The following TRAPPC9 variants were observed in gnomAD, a reference collection of about 807,000 sequenced individuals.
The protein encoded by TRAPPC9 is trafficking protein particle complex subunit 9, also known as IKK2 binding protein.
In TRAPPC9, 83 loss-of-function variants were observed where a neutral mutation model predicts 124.0. That is an observed-to-expected ratio of 0.67 (90% CI 0.56 to 0.80). TRAPPC9 has a LOEUF of 0.80. Among genes scored for constraint, TRAPPC9 ranks in the 30% least tolerant of loss-of-function variants. The probability of loss-of-function intolerance (pLI) is 0.00; values close to 1 mark genes in which losing one functional copy is unlikely to be tolerated. For missense variants in TRAPPC9, 1,302 were observed against 1,508.3 expected (o/e 0.86, Z 2.27); for synonymous variants, 638 against 617.5 (o/e 1.03, Z -0.49).
intron 21 of TRAPPC9, among the ~76,000 whole-genome samples, chr8:139,767,512 G>A (rs894294755): frequency 6.6e-6 from 1 of 152,178 alleles, no homozygotes; most frequent in Non-Finnish European, 1.5e-5. Context: ...TGGGTGAGAC[G>A]GATCCAGGAG....
At chr8:140,115,851 A>G (rs2060874232) in intron 17 of TRAPPC9, among the ~76,000 whole-genome samples, 1 of 152,182 alleles carries the variant, frequency 6.6e-6, no homozygotes, top group African/African-American at 2.4e-5. Flanking sequence ...TCCAAGGGCC[A>G]GTAATAGTCA....
intron 21 of TRAPPC9, among the ~76,000 whole-genome samples, chr8:139,838,690 C>T (rs1483710347): frequency 1.3e-5 from 2 of 152,216 alleles, no homozygotes; most frequent in Non-Finnish European, 2.9e-5. Context: ...CCGAGGAGGC[C>T]TGCCAGCCTC....
intron 17 of TRAPPC9, among the ~76,000 whole-genome samples, chr8:140,142,816 T>C (rs963837549): frequency 2.0e-4 from 31 of 152,362 alleles, no homozygotes; most frequent in African/African-American, 7.0e-4. Context: ...TCTTCATTTG[T>C]AAAGAGGCAT....
At chr8:139,752,113 T>C (rs2130218156) in intron 21 of TRAPPC9, among the ~76,000 whole-genome samples, 1 of 147,208 alleles carries the variant, frequency 6.8e-6, no homozygotes, top group Non-Finnish European at 1.5e-5. Context: ...CTACCACCTG[T>C]TCATCTACCA....
intron 21 of TRAPPC9, among the ~76,000 whole-genome samples, chr8:139,867,889 C>A (rs1289737941): frequency 6.6e-6 from 1 of 152,172 alleles, no homozygotes; most frequent in African/African-American, 2.4e-5. Context: ...ATAAAGGACA[C>A]TACTGGGATA....
chr8:139,771,753 G>A (rs1162542286), intron 21 of TRAPPC9, among the ~76,000 whole-genome samples: 3 of 152,190 alleles, frequency 2.0e-5, no homozygotes, highest in East Asian at 1.9e-4. Context: ...TGCAGACAGC[G>A]CAGACCCCAG....
intron 9 of TRAPPC9, among the ~76,000 whole-genome samples, chr8:140,346,185 G>A (rs998148839): frequency 6.6e-6 from 1 of 152,214 alleles, no homozygotes; most frequent in African/African-American, 2.4e-5. Flanking sequence ...GAAACTGCCT[G>A]GAGTGCATCG....
At chr8:140,338,720 G>A in intron 9 of TRAPPC9, among the ~76,000 whole-genome samples, 2 of 151,128 alleles carry the variant, frequency 1.3e-5, no homozygotes, top group Non-Finnish European at 2.9e-5. Flanking sequence ...AGGCCGACGG[G>A]AAACGGCTCA....
chr8:139,960,617 G>A lies in TRAPPC9; in HGVS notation c.2810+28109C>T, dbSNP rs962760467. Among the ~76,000 whole-genome samples the A allele has an allele frequency of 8.9e-4, 114 of 128,038 alleles. 37 individuals are homozygous for A. The South Asian group carries it at 0.02, about 23-fold the overall frequency. The allele number at this position is 128,038 out of a possible 152,430, so 84.0% of individuals were successfully genotyped here. ...GACAGGTGACCCAGCTGTCAAGTCT[G>A]GACTCTGCCTCTCGCCAGCTGTAGG... On this transcript the variant is annotated intron_variant, in intron 19 of 22. Transcript: ENST00000438773.
chr8:139,891,044 G>A (rs1267670631), intron 20 of TRAPPC9, among the ~76,000 whole-genome samples: 2 of 151,986 alleles, frequency 1.3e-5, no homozygotes, highest in South Asian at 2.1e-4. Flanking sequence ...GGCAACCCAC[G>A]CTCAGCTTCC....
Position 139,896,721 on chromosome 8 carries a change from TC to T in TRAPPC9, c.2965-10753del, listed in dbSNP as rs1758110687. Among the ~76,000 whole-genome samples, 3 of 152,204 alleles carry T rather than the reference TC, an allele frequency of 2.0e-5. No homozygotes were observed. The South Asian group carries it at 6.2e-4, about 31-fold the overall frequency. On this transcript the variant is annotated intron_variant, in intron 20 of 22. Coordinates refer to ENST00000438773, the MANE Select transcript of TRAPPC9 (RefSeq NM_001160372.4). ...GTCCCACTGGACAAAGATCCTGCTGTCCACAGGGCCAGGTTGTGCCAAGGCC... is the reference window on the plus strand; with the variant it reads ...GTCCCACTGGACAAAGATCCTGCTGTCACAGGGCCAGGTTGTGCCAAGGCC...
chr8:140,081,099 C>A (rs1443848777), intron 17 of TRAPPC9, among the ~76,000 whole-genome samples: 1 of 152,090 alleles, frequency 6.6e-6, no homozygotes, highest in East Asian at 1.9e-4. Flanking sequence ...GAAGCAAGGC[C>A]AAGATTAACC....
intron 19 of TRAPPC9, among the ~76,000 whole-genome samples, chr8:139,969,831 C>T (rs1835947989): frequency 6.6e-6 from 1 of 152,214 alleles, no homozygotes; most frequent in African/African-American, 2.4e-5. Context: ...GTTAATGTAA[C>T]TTCACAAAGA....
chr8:140,221,640 T>G, intron 16 of TRAPPC9, 57 bp from the exon 17 acceptor site: 1 of 1,557,274 alleles, frequency 6.4e-7, no homozygotes. Flanking sequence ...TGGGGTTTGT[T>G]GTTGTTGTTG....
intron 21 of TRAPPC9, among the ~76,000 whole-genome samples, chr8:139,749,746 C>G (rs1322660591): frequency 6.6e-6 from 1 of 152,238 alleles, no homozygotes; most frequent in Non-Finnish European, 1.5e-5. Flanking sequence ...AGTGGCCCAT[C>G]TGCTTGAACC....
rs1563707036 is a variant in TRAPPC9, at chr8:140,033,688, T to TTTTG, written c.2557-9610_2557-9609insCAAA. On this transcript the variant is annotated intron_variant, in intron 17 of 22. Coordinates refer to ENST00000438773, the MANE Select transcript of TRAPPC9 (RefSeq NM_001160372.4). Reference sequence around the variant, plus strand: ...TTTTTTTTTTTTTTTTTTTTTTTTTTTTTTTTTTTTTGAGACAGAGTCTCG... The same window carrying TTTTG: ...TTTTTTTTTTTTTTTTTTTTTTTTTTTTTGTTTTTTTTTTTGAGACAGAGTCTCG... 1.4e-4 allele frequency among the ~76,000 whole-genome samples: 16 copies of TTTTG among 115,100 alleles called. 1 individual carries two copies. Among genetic ancestry groups the TTTTG allele is most frequent in the Middle Eastern group, 4.0e-3 (1 of 252 alleles). The allele number at this position is 115,100 out of a possible 152,430, so 75.5% of individuals were successfully genotyped here. A position where few individuals can be genotyped will look rare whatever the true frequency, so the allele number is the denominator to read the frequency against.
At chr8:139,896,173 G>A (rs908643776) in intron 20 of TRAPPC9, among the ~76,000 whole-genome samples, 3 of 152,208 alleles carry the variant, frequency 2.0e-5, no homozygotes, top group African/African-American at 7.2e-5. Context: ...ATCTCAGCCT[G>A]TGCACAAGAA....
At chr8:140,359,928 G>T in intron 9 of TRAPPC9, 122 bp downstream of exon 9, 2 of 1,405,506 alleles carry the variant, frequency 1.4e-6, no homozygotes, top group Middle Eastern at 1.8e-4. Flanking sequence ...TGTCACTGAC[G>T]AAGAGCTGGG....
intron 16 of TRAPPC9, among the ~76,000 whole-genome samples, chr8:140,236,867 G>A (rs2063743169): frequency 6.6e-6 from 1 of 152,118 alleles, no homozygotes; most frequent in Non-Finnish European, 1.5e-5. Context: ...ACTGCTTTGA[G>A]GAACTTGACA....
Sources: allele counts gnomAD v4.1 joint callset (sites outside exome capture counted in the v4.1 genomes callset), GRCh38; gene constraint gnomAD v4.1.1; transcripts MANE v1.5; gene names NCBI Gene and HGNC (gene_info 2026-07-23, HGNC 2026-07-21).